The following ANKRD33 variants were observed in gnomAD, a reference collection of about 807,000 sequenced individuals.
ANKRD33 encodes ankyrin repeat domain 33.
A neutral mutation model predicts 20.6 loss-of-function variants in ANKRD33; 20 were observed. That is an observed-to-expected ratio of 0.97 (90% CI 0.68 to 1.41). The LOEUF (loss-of-function observed/expected upper bound fraction) is 1.41, where lower values mean the gene tolerates loss of function less well. ANKRD33 is among the 40% of genes most tolerant of loss of function. ANKRD33 has a pLI of 0.00. For synonymous variants in ANKRD33, 246 were observed against 245.0 expected (o/e 1.00, Z -0.04); for missense variants, 545 against 579.6 (o/e 0.94, Z 0.61).
rs1414187371 is a variant in ANKRD33, at chr12:51,891,526, G to A, written c.*221G>A. ...GTAAGGGACAGGCTAGATTGATTAC[G>A]GATGTAATTGCTGTCCATCCATACA... is the stretch of plus-strand genomic sequence containing the variant. On this transcript the variant is annotated 3_prime_UTR_variant, in exon 5 of 5. Transcript: ENST00000301190. The A allele has an allele frequency of 1.8e-5, 13 of 717,410 alleles. No individual in the cohort carries two copies. The highest frequency in any genetic ancestry group is 3.0e-5 in the Admixed American group (1 of 33,718). The allele number at this position is 717,410 out of a possible 1,614,324, so 44.4% of individuals were successfully genotyped here.
At chr12:51,888,417 C>T (rs1940292104) in intron 1 of ANKRD33, 86 bp downstream of exon 1, 12 of 1,586,890 alleles carry the variant, frequency 7.6e-6, no homozygotes, top group Non-Finnish European at 1.0e-5. Flanking sequence ...GCTCCTGACC[C>T]AGCGCTTGTC....
Position 51,890,799 on chromosome 12 carries a change from G to C in ANKRD33, c.853G>C (p.Glu285Gln). 4 of 1,607,388 alleles carry C rather than the reference G, an allele frequency of 2.5e-6. No individual in the cohort carries two copies. Among genetic ancestry groups the C allele is most frequent in the Non-Finnish European group, 3.4e-6 (4 of 1,179,310 alleles). ...GGCCCAGGTTGCCCCTTCACTCCTAGAACGGCTGCAGGCTACCTTGAGCCT... is the reference window on the plus strand; with the variant it reads ...GGCCCAGGTTGCCCCTTCACTCCTACAACGGCTGCAGGCTACCTTGAGCCT... Reference protein sequence around the residue: ...AQAQVAPSLLERLQATLSLPF... With the variant: ...AQAQVAPSLLQRLQATLSLPF... Residue 285 changes from glutamate (E) to glutamine (Q), a missense_variant, in exon 5 of 5, where the codon GAA (glutamate) becomes CAA (glutamine). Physicochemically the swap from Glu to Gln is conservative, Grantham distance 29 (BLOSUM62 2). Coordinates refer to ENST00000301190, the MANE Select transcript of ANKRD33 (RefSeq NM_182608.4).
Position 51,890,986 on chromosome 12 carries a change from G to A in ANKRD33, c.1040G>A (p.Gly347Asp). The A allele has an allele frequency of 6.2e-7, 1 of 1,613,530 alleles. No homozygotes were observed. The highest frequency in any genetic ancestry group is 8.5e-7 in the Non-Finnish European group (1 of 1,179,956). ...TRSKSVPELL[G>D]TAPPPPLVPQ... is the part of the protein sequence containing the mutation. ...AGCAAGTCCGTGCCAGAGCTGTTAG[G>A]TACTGCCCCGCCCCCTCCCCTGGTT... The change falls in exon 5 of 5, where the codon GGT becomes GAT. Residue 347 changes from glycine to aspartate, a missense_variant. By Grantham distance (94) the Gly-to-Asp change is moderately conservative. Coordinates refer to ENST00000301190, the MANE Select transcript of ANKRD33 (RefSeq NM_182608.4).
rs1940302024 is a variant in ANKRD33 at position 51,888,691 on chromosome 12, C to T, written c.269C>T (p.Pro90Leu). ...CTGCCCTGCCCGGGCAAGGAGACCC[C>T]CACCCCAGGCTGCAGGCTGGGGGCC... ...EALPCPGKET[P>L]TPGCRLGALY... is the part of the protein sequence containing the mutation. The change falls in exon 2 of 5, where the codon CCC becomes CTC. Residue 90 changes from proline to leucine, a missense_variant. Transcript: ENST00000301190. 6.2e-7 allele frequency: 1 copy of T among 1,613,126 alleles called. No homozygotes were observed. The highest frequency in any genetic ancestry group is 8.5e-7 in the Non-Finnish European group (1 of 1,179,562).
At position 51,891,169 on chromosome 12, in the gene ANKRD33, C is replaced by A. The variant is rs1390882261; in HGVS notation, c.1223C>A (p.Ser408Tyr). Residue 408 changes from serine to tyrosine, a missense_variant, in exon 5 of 5, where the codon TCC becomes TAC. Coordinates refer to ENST00000301190, the MANE Select transcript of ANKRD33 (RefSeq NM_182608.4). Reference sequence around the variant, plus strand: ...CCCAAGATCCTCCTCTCCAAGGCATCCTCATCCTCCCACCAGTGCCAGCCG... The same window carrying A: ...CCCAAGATCCTCCTCTCCAAGGCATACTCATCCTCCCACCAGTGCCAGCCG... Reference protein sequence around the residue: ...QVPKILLSKASSSSHQCQPKP... With the variant: ...QVPKILLSKAYSSSHQCQPKP... The A allele has an allele frequency of 5.6e-6, 9 of 1,614,122 alleles. No homozygotes were observed. The highest frequency in any genetic ancestry group is 7.6e-6 in the Non-Finnish European group (9 of 1,180,056).
chr12:51,889,851 A>G, intron 4 of ANKRD33: 1 of 291,818 alleles, frequency 3.4e-6, no homozygotes, highest in East Asian at 8.3e-5. Flanking sequence ...CCTCACCAGT[A>G]TTGTGAGGGT....
Position 51,891,152 on chromosome 12 carries a change from C to T in ANKRD33, c.1206C>T (p.Ile402=). The T allele has an allele frequency of 6.2e-7, 1 of 1,614,246 alleles. No individual in the cohort carries two copies. Among genetic ancestry groups the T allele is most frequent in the African/African-American group, 1.3e-5 (1 of 75,064 alleles). The change falls in exon 5 of 5, where the codon ATC becomes ATT. Residue 402 remains isoleucine, a synonymous_variant. Transcript: ENST00000301190. The part of the protein sequence containing the change: ...STSPRPQVPK[I]LLSKASSSSH... ...GCCCCAGGCCCCAAGTCCCCAAGAT[C>T]CTCCTCTCCAAGGCATCCTCATCCT...
intron 1 of ANKRD33, 89 bp from the exon 2 acceptor site, chr12:51,888,478 TG>T: frequency 6.4e-7 from 1 of 1,565,976 alleles, no homozygotes. Context: ...ATGTTTTCCC[TG>T]GGGCAAGGGC....
chr12:51,888,692 C>T lies in ANKRD33; in HGVS notation c.270C>T (p.Pro90=). 1.2e-6 allele frequency: 2 copies of T among 1,613,170 alleles called. No homozygotes were observed. The highest frequency in any genetic ancestry group is 1.7e-6 in the Non-Finnish European group (2 of 1,179,584). The stretch of plus-strand genomic sequence containing the variant: ...TGCCCTGCCCGGGCAAGGAGACCCC[C>T]ACCCCAGGCTGCAGGCTGGGGGCCC... ...EALPCPGKET[P]TPGCRLGALY... The change falls in exon 2 of 5, where the codon CCC becomes CCT. Residue 90 remains proline (P), a synonymous_variant. Coordinates refer to ENST00000301190, the MANE Select transcript of ANKRD33 (RefSeq NM_182608.4).
chr12:51,888,734 C>G lies in ANKRD33; in HGVS notation c.312C>G (p.Val104=). ...TGGGGGCCCTGTATTGGGCCTGTGTCCACAATGATCCCACCCAGCTCCAAG... is the reference window on the plus strand; with the variant it reads ...TGGGGGCCCTGTATTGGGCCTGTGTGCACAATGATCCCACCCAGCTCCAAG... ...CRLGALYWAC[V]HNDPTQLQAI... Residue 104 remains valine, a synonymous_variant, in exon 2 of 5, where the codon GTC becomes GTG. Transcript: ENST00000301190. 1 of 1,614,080 alleles carries G rather than the reference C, an allele frequency of 6.2e-7. No individual in the cohort carries two copies.
Position 51,890,534 on chromosome 12 carries a change from A to T in ANKRD33, c.638-50A>T, listed in dbSNP as rs769977153. Reference sequence around the variant, plus strand: ...CTCCTAAAGAATCTGCCCTTCCACAAATCACCAACCCCTATCCCGCCCCAT... The same window carrying T: ...CTCCTAAAGAATCTGCCCTTCCACATATCACCAACCCCTATCCCGCCCCAT... On this transcript the variant is annotated intron_variant, in intron 4 of 4. Transcript: ENST00000301190. The T allele has an allele frequency of 2.5e-5, 39 of 1,570,842 alleles. 1 individual carries two copies. The South Asian group carries it at 4.4e-4, about 18-fold the overall frequency.
At chr12:51,889,835 T>C (rs1940354129) in intron 4 of ANKRD33, 1 of 335,950 alleles carries the variant, frequency 3.0e-6, no homozygotes, top group South Asian at 3.4e-5. Context: ...GGCTTCCCTC[T>C]TTGGGCCTCA....
rs697633 is a variant in ANKRD33 at position 51,888,136 on chromosome 12, G to A, written c.-51G>A. On this transcript the variant is annotated 5_prime_UTR_variant, in exon 1 of 5. Coordinates refer to ENST00000301190, the MANE Select transcript of ANKRD33 (RefSeq NM_182608.4). ...ACCACCCGCCCCGCATGGGGCCCCA[G>A]TCCCAGCTGCTTGATCCGGCTCAGC... 0.38 allele frequency: 614,567 copies of A among 1,599,756 alleles called. 123,149 individuals carry two copies. Among genetic ancestry groups the A allele is most frequent in the Admixed American group, 0.65 (36,821 of 57,074 alleles).
chr12:51,889,141 T>G lies in ANKRD33; in HGVS notation c.471T>G (p.Asp157Glu). The G allele has an allele frequency of 6.2e-7, 1 of 1,614,138 alleles. No individual in the cohort carries two copies. The highest frequency in any genetic ancestry group is 8.5e-7 in the Non-Finnish European group (1 of 1,180,004). ...TGCTCAGCCACTGTCCTTTCCTTGA[T>G]GTGAACCAGCAGGACAAAGGAGGGG... ...VALLSHCPFL[D>E]VNQQDKGGDT... The change falls in exon 3 of 5, where the codon GAT becomes GAG. Residue 157 changes from aspartate (D) to glutamate (E), a missense_variant. By Grantham distance (45) the Asp-to-Glu change is conservative. Transcript: ENST00000301190.
At chr12:51,888,471 T>C (rs1940293119) in intron 1 of ANKRD33, 97 bp from the exon 2 acceptor site, 6 of 1,566,178 alleles carry the variant, frequency 3.8e-6, no homozygotes, top group Non-Finnish European at 5.2e-6. Flanking sequence ...GGGATAAATG[T>C]TTTCCCTGGG....
chr12:51,889,356 C>T lies in ANKRD33; in HGVS notation c.527-16C>T. The T allele has an allele frequency of 6.2e-7, 1 of 1,613,078 alleles. No individual in the cohort carries two copies. Among genetic ancestry groups the T allele is most frequent in the Non-Finnish European group, 8.5e-7 (1 of 1,179,450 alleles). ...CCCCTTTCCTGGGGACCAAGCTTAC[C>T]CTTGCTGCCCTGCAGGCCACGTGCC... is the stretch of plus-strand genomic sequence containing the variant. On this transcript the variant is annotated splice_polypyrimidine_tract_variant and intron_variant, in intron 3 of 4. Transcript: ENST00000301190.
Position 51,889,092 on chromosome 12 carries a change from A to G in ANKRD33, c.422A>G (p.His141Arg). ...ACAGGCCTCATGGTCGCATGCTACC[A>G]CGGCTTCCAGAGTGTTGTGGCCCTG... ...GRTGLMVACYHGFQSVVALLS... is the reference protein window; with the variant it reads ...GRTGLMVACYRGFQSVVALLS... Residue 141 changes from histidine (H) to arginine (R), a missense_variant, in exon 3 of 5, where the codon CAC (histidine) becomes CGC (arginine). By Grantham distance (29) the His-to-Arg change is conservative. Coordinates refer to ENST00000301190, the MANE Select transcript of ANKRD33 (RefSeq NM_182608.4). 1 of 1,614,060 alleles carries G rather than the reference A, an allele frequency of 6.2e-7. No individual in the cohort carries two copies. Among genetic ancestry groups the G allele is most frequent in the Non-Finnish European group, 8.5e-7 (1 of 1,179,978 alleles).
chr12:51,888,372 G>A (rs1333636205), intron 1 of ANKRD33, 41 bp downstream of exon 1: 3 of 1,612,588 alleles, frequency 1.9e-6, no homozygotes, highest in Admixed American at 1.7e-5. Context: ...AGTCTCACTG[G>A]GGTGCTGACC....
rs143451278 is a variant in ANKRD33, at chr12:51,888,645, C to G, written c.223C>G (p.Arg75Gly). 3.1e-6 allele frequency: 5 copies of G among 1,605,842 alleles called. No homozygotes were observed. The South Asian group carries it at 4.4e-5, about 14-fold the overall frequency. ...EEEELALHRR[R>G]LDMSEALPCP... ...GGAAGAGCTGGCATTGCACAGGAGA[C>G]GGCTGGACATGTCTGAGGCACTGCC... Residue 75 changes from arginine (R) to glycine (G), a missense_variant, in exon 2 of 5, where the codon CGG (arginine) becomes GGG (glycine). Transcript: ENST00000301190.
Sources: gnomAD v4.1 joint callset for allele counts on GRCh38, gnomAD v4.1.1 for gene constraint, MANE v1.5 for transcripts, NCBI Gene and HGNC (gene_info 2026-07-23, HGNC 2026-07-21) for gene names.